SLIT2: variants seen among roughly 807,000 people sequenced by gnomAD.
SLIT2 encodes the protein slit homolog 2 protein.
In SLIT2, 41 loss-of-function variants were observed where a neutral mutation model predicts 185.7. That is an observed-to-expected ratio of 0.22 (90% CI 0.17 to 0.29). The LOEUF (loss-of-function observed/expected upper bound fraction) is 0.29, where lower values mean the gene tolerates loss of function less well. SLIT2 is among the 10% of genes least tolerant of loss of function. SLIT2 has a pLI of 1.00. For synonymous variants in SLIT2, 693 were observed against 680.2 expected (o/e 1.02, Z -0.29); for missense variants, 1,571 against 1,909.0 (o/e 0.82, Z 3.30).
At chr4:20,562,261 TCTC>T (rs1422548287) in intron 26 of SLIT2, among the ~76,000 whole-genome samples, 2 of 151,762 alleles carry the variant, frequency 1.3e-5, no homozygotes, top group African/African-American at 2.4e-5. Flanking sequence ...GGTGGCCACT[TCTC>T]CTTCCTCTAC....
intron 4 of SLIT2, among the ~76,000 whole-genome samples, chr4:20,436,705 G>C (rs950182916): frequency 2.6e-5 from 4 of 152,178 alleles, no homozygotes; most frequent in African/African-American, 9.7e-5. Flanking sequence ...TTCTTCATGA[G>C]TAGTTGATGA....
chr4:20,470,291 T>C (rs1714841838), intron 5 of SLIT2, among the ~76,000 whole-genome samples: 1 of 152,086 alleles, frequency 6.6e-6, no homozygotes, highest in African/African-American at 2.4e-5. Flanking sequence ...ACTATTCTAT[T>C]GTGGGTCATT....
In SLIT2 at chr4:20,609,098, A is replaced by C. The variant is rs78232224; in HGVS notation, c.3693-915A>C. On this transcript the variant is annotated intron_variant, in intron 33 of 36. Transcript: ENST00000504154. ...CTGGTTTGCTTTTTTGCCTGCTGTA[A>C]CACCAGAGTTAGATATGCAACTACA... Among the ~76,000 whole-genome samples, 763 of 152,292 alleles carry C rather than the reference A, an allele frequency of 5.0e-3. 12 individuals carry two copies. Among genetic ancestry groups the C allele is most frequent in the African/African-American group, 0.017 (726 of 41,570 alleles).
intron 15 of SLIT2, 125 bp downstream of exon 15, chr4:20,525,297 A>T (rs1721189209): frequency 1.5e-6 from 1 of 686,798 alleles, no homozygotes; most frequent in Admixed American, 2.2e-5. Context: ...AGATTGACTT[A>T]TGCATATATC....
chr4:20,280,420 C>A (rs779060264), intron 4 of SLIT2, among the ~76,000 whole-genome samples: 21 of 151,576 alleles, frequency 1.4e-4, no homozygotes, highest in Non-Finnish European at 2.9e-4. Context: ...TCACTAGCTG[C>A]AGTTGCTGAG....
chr4:20,472,488 A>ATATATAGATATATCTATATAGATATATC lies in SLIT2; in HGVS notation c.467+4669_467+4670insTAGATATATCTATATAGATATATCTATA, dbSNP rs1715464881. Among the ~76,000 whole-genome samples, 4 of 24,168 alleles carry ATATATAGATATATCTATATAGATATATC rather than the reference A, an allele frequency of 1.7e-4. 2 individuals carry two copies. Among genetic ancestry groups the ATATATAGATATATCTATATAGATATATC allele is most frequent in the African/African-American group, 1.0e-3 (4 of 3,842 alleles). 15.9% of individuals were successfully genotyped at this position (24,168 alleles called of 152,430 possible). A position where few individuals can be genotyped will look rare whatever the true frequency, so the allele number is the denominator to read the frequency against. On this transcript the variant is annotated intron_variant, in intron 5 of 36. Transcript: ENST00000504154. ...TATCTATATATAGATATATATCTAT[A>ATATATAGATATATCTATATAGATATATC]TATAGATATATATCTATATATAGAT...
At chr4:20,353,236 T>C (rs1722029387) in intron 4 of SLIT2, among the ~76,000 whole-genome samples, 1 of 152,132 alleles carries the variant, frequency 6.6e-6, no homozygotes, top group Non-Finnish European at 1.5e-5. Flanking sequence ...GGTAAAACAT[T>C]AGAACATCAT....
chr4:20,351,388 A>G (rs1721863872), intron 4 of SLIT2, among the ~76,000 whole-genome samples: 1 of 152,192 alleles, frequency 6.6e-6, no homozygotes, highest in Non-Finnish European at 1.5e-5. Flanking sequence ...TTGCTTGGCT[A>G]TGGATGTGTA....
At chr4:20,424,892 C>G (rs1482455865) in intron 4 of SLIT2, among the ~76,000 whole-genome samples, 1 of 152,026 alleles carries the variant, frequency 6.6e-6, no homozygotes, top group Non-Finnish European at 1.5e-5. Context: ...ATGAATGAGA[C>G]TTTACTAATA....
rs6836528 is a variant in SLIT2 at position 20,484,218 on chromosome 4, T to G, written c.540-1982T>G. 0.15 allele frequency among the ~76,000 whole-genome samples: 23,564 copies of G among 152,116 alleles called. 2,143 individuals carry two copies. Among genetic ancestry groups the G allele is most frequent in the African/African-American group, 0.23 (9,734 of 41,510 alleles). On this transcript the variant is annotated intron_variant, in intron 6 of 36. Transcript: ENST00000504154. This position sits in a 1 kb window ranked among gnomAD's most constrained non-coding sequence, Gnocchi z 4.3. ...AGTCATATTTCAGAATGCTATATAC[T>G]ATAAAGATTTTAGCCATATTAAGTC... is the stretch of plus-strand genomic sequence containing the variant.
chr4:20,577,851 A>C (rs1577959682), intron 29 of SLIT2, among the ~76,000 whole-genome samples: 1 of 152,248 alleles, frequency 6.6e-6, no homozygotes, highest in South Asian at 2.1e-4. Flanking sequence ...AATGATAAAC[A>C]TTCAGGTCCA....
intron 6 of SLIT2, among the ~76,000 whole-genome samples, chr4:20,481,099 TA>T (rs34462059): frequency 7.3e-4 from 111 of 151,086 alleles, no homozygotes; most frequent in East Asian, 3.3e-3. Context: ...AAAAATAACA[TA>T]AAAAAAAACC....
rs1427136364 is a variant in SLIT2, at chr4:20,254,014, C to G, written c.179+20C>G. ...GAGACTGTGAGTATGCGCTCTTCGT[C>G]TTCCCCTCTCCCCATCCGGGCCGCG... On this transcript the variant is annotated intron_variant, in intron 1 of 36. Transcript: ENST00000504154. This position sits in a 1 kb window ranked among gnomAD's most constrained non-coding sequence, Gnocchi z 5.1. The G allele has an allele frequency of 6.3e-7, 1 of 1,593,334 alleles. No homozygotes were observed. The highest frequency in any genetic ancestry group is 8.5e-7 in the Non-Finnish European group (1 of 1,173,576).
intron 5 of SLIT2, among the ~76,000 whole-genome samples, chr4:20,472,844 A>G (rs1462131072): frequency 1.3e-5 from 2 of 151,090 alleles, no homozygotes; most frequent in Non-Finnish European, 1.5e-5. Flanking sequence ...TTGAAGAACT[A>G]ATAGTACTTA....
At chr4:20,580,226 A>T (rs1439130333) in intron 29 of SLIT2, among the ~76,000 whole-genome samples, 1 of 150,728 alleles carries the variant, frequency 6.6e-6, no homozygotes, top group African/African-American at 2.4e-5. Context: ...ATACCCAGTT[A>T]TTTTTTGTAT....
intron 4 of SLIT2, among the ~76,000 whole-genome samples, chr4:20,342,668 G>A (rs1721049677): frequency 7.0e-6 from 1 of 142,406 alleles, no homozygotes; most frequent in South Asian, 2.3e-4. Flanking sequence ...TCTTAAAATA[G>A]ATATCTTATA....
In SLIT2 at chr4:20,328,590, GA is replaced by G. The variant is rs555473204; in HGVS notation, c.395+59719del. Among the ~76,000 whole-genome samples, 946 of 148,886 alleles carry G rather than the reference GA, an allele frequency of 6.4e-3. 9 individuals carry two copies. The highest frequency in any genetic ancestry group is 0.017 in the Middle Eastern group (5 of 292). ...CAATAGAATAAGAGGTTTACAATTT[GA>G]AAAAAAAAATTATATTTGAAAATTG... On this transcript the variant is annotated intron_variant, in intron 4 of 36. Transcript: ENST00000504154.
intron 9 of SLIT2, among the ~76,000 whole-genome samples, chr4:20,508,941 G>T (rs1719450930): frequency 6.6e-6 from 1 of 151,934 alleles, no homozygotes; most frequent in Non-Finnish European, 1.5e-5. Flanking sequence ...AATCAGAAAA[G>T]ACCAAAATTT....
At chr4:20,309,637 A>G (rs887789951) in intron 4 of SLIT2, among the ~76,000 whole-genome samples, 2 of 151,978 alleles carry the variant, frequency 1.3e-5, no homozygotes, top group Non-Finnish European at 2.9e-5. Context: ...AATTTGCTAT[A>G]TCTAATACCT....
Sources: allele counts gnomAD v4.1 joint callset (sites outside exome capture counted in the v4.1 genomes callset), GRCh38; gene constraint gnomAD v4.1.1; non-coding constraint Gnocchi (gnomAD v3.1); transcripts MANE v1.5; gene names NCBI Gene and HGNC (gene_info 2026-07-23, HGNC 2026-07-21).